The following PCDH15 variants were observed in gnomAD, a reference collection of about 807,000 sequenced individuals.
The protein encoded by PCDH15 is protocadherin-15.
PCDH15 carries 129 observed loss-of-function variants against 178.5 expected under a neutral mutation model. The ratio of observed to expected loss-of-function variants is 0.72; its 90% confidence interval spans 0.63 to 0.84. The LOEUF (loss-of-function observed/expected upper bound fraction) is 0.84, where lower values mean the gene tolerates loss of function less well. Ranked by LOEUF, PCDH15 falls within the 40% of genes least tolerant of loss-of-function variation. The probability of loss-of-function intolerance (pLI) is 0.00; values close to 1 mark genes in which losing one functional copy is unlikely to be tolerated. For missense variants in PCDH15, 2,230 were observed against 2,099.9 expected (o/e 1.06, Z -1.21); for synonymous variants, 800 against 732.0 (o/e 1.09, Z -1.50).
intron 2 of PCDH15, among the ~76,000 whole-genome samples, chr10:55,023,245 T>C (rs1281481924): frequency 1.3e-5 from 2 of 152,132 alleles, no homozygotes; most frequent in Non-Finnish European, 2.9e-5. Flanking sequence ...CCCGGTTTAT[T>C]GCTTACAGTG....
At chr10:55,280,692 C>T (rs1455284895) in intron 1 of PCDH15, among the ~76,000 whole-genome samples, 2 of 151,970 alleles carry the variant, frequency 1.3e-5, no homozygotes, top group African/African-American at 4.8e-5. Context: ...ACTGAATATA[C>T]TTTCTATGTA....
intron 8 of PCDH15, among the ~76,000 whole-genome samples, chr10:54,294,276 G>C (rs577753168): frequency 6.6e-6 from 1 of 150,806 alleles, no homozygotes; most frequent in Non-Finnish European, 1.5e-5. Flanking sequence ...AGAACACTTG[G>C]ACACATGGCA....
intron 26 of PCDH15, among the ~76,000 whole-genome samples, chr10:53,886,458 G>A (rs372944554): frequency 3.1e-4 from 47 of 151,952 alleles, no homozygotes; most frequent in Admixed American, 1.4e-3. Context: ...ACAGTCTTCC[G>A]ATTTAGCATA....
At chr10:54,065,819 T>G (rs1273280619) in intron 18 of PCDH15, among the ~76,000 whole-genome samples, 3 of 152,196 alleles carry the variant, frequency 2.0e-5, no homozygotes, top group Non-Finnish European at 2.9e-5. Context: ...CATCACAAGA[T>G]CTCTATAACA....
chr10:54,586,189 A>G (rs868764197), intron 2 of PCDH15, among the ~76,000 whole-genome samples: 5 of 152,122 alleles, frequency 3.3e-5, no homozygotes, highest in African/African-American at 1.2e-4. Flanking sequence ...AGTGGAGTAA[A>G]TTTTTAAATT....
chr10:54,072,678 G>C (rs988458069), intron 17 of PCDH15, among the ~76,000 whole-genome samples: 3 of 152,066 alleles, frequency 2.0e-5, no homozygotes, highest in African/African-American at 7.2e-5. Context: ...GAAACTAAGA[G>C]AAATTTGGGT....
At position 54,561,833 on chromosome 10, in the gene PCDH15, AATTATT is replaced by A. The variant is rs367556125; in HGVS notation, c.92-33962_92-33957del. ...TTACAAAATGAAAACTATCAATGGT[AATTATT>A]ATTATTATTATTATTTCTATTTTTA... On this transcript the variant is annotated intron_variant, in intron 2 of 37. Transcript: ENST00000644397. 1.6e-4 allele frequency among the ~76,000 whole-genome samples: 24 copies of A among 151,244 alleles called. 1 individual carries two copies. The highest frequency in any genetic ancestry group is 5.6e-4 in the African/African-American group (23 of 41,326).
At chr10:54,554,732 T>C (rs1320379735) in intron 2 of PCDH15, among the ~76,000 whole-genome samples, 1 of 152,188 alleles carries the variant, frequency 6.6e-6, no homozygotes, top group East Asian at 1.9e-4. Flanking sequence ...CTCATCATTT[T>C]TGCAAAGAGC....
chr10:54,782,614 T>C (rs1877424), intron 1 of PCDH15, among the ~76,000 whole-genome samples: 1 of 152,060 alleles, frequency 6.6e-6, no homozygotes, highest in Non-Finnish European at 1.5e-5. Context: ...CTAATATCTT[T>C]GGTGCTGAGA....
At chr10:55,573,806 C>T (rs1446589773) in intron 2 of PCDH15, among the ~76,000 whole-genome samples, 2 of 151,844 alleles carry the variant, frequency 1.3e-5, no homozygotes, top group Admixed American at 6.6e-5. Flanking sequence ...CTGTGTAAAA[C>T]AATGTATGGT....
intron 1 of PCDH15, among the ~76,000 whole-genome samples, chr10:54,674,994 C>G (rs566120527): frequency 6.6e-6 from 1 of 152,062 alleles, no homozygotes; most frequent in Non-Finnish European, 1.5e-5. Context: ...ACTTTAGTCT[C>G]TTCCTACAAA....
chr10:53,950,789 G>T (rs2086959664), intron 23 of PCDH15, among the ~76,000 whole-genome samples: 3 of 152,120 alleles, frequency 2.0e-5, no homozygotes, highest in Admixed American at 2.0e-4. Context: ...TGCTATTTCT[G>T]TAGGGTTTAA....
intron 19 of PCDH15, 102 bp downstream of exon 19, chr10:54,022,790 A>T: frequency 8.8e-7 from 1 of 1,139,768 alleles, no homozygotes; most frequent in Non-Finnish European, 1.3e-6. Context: ...ATTAAAATCC[A>T]ACTTGGTATG....
intron 6 of PCDH15, among the ~76,000 whole-genome samples, chr10:54,341,715 C>T (rs1197869575): frequency 6.6e-6 from 1 of 152,180 alleles, no homozygotes; most frequent in Non-Finnish European, 1.5e-5. Flanking sequence ...TTTGTGAATG[C>T]TTTCAACCAA....
At chr10:54,004,289 C>A (rs2135057319) in intron 20 of PCDH15, among the ~76,000 whole-genome samples, 1 of 151,602 alleles carries the variant, frequency 6.6e-6, no homozygotes, top group Non-Finnish European at 1.5e-5. Context: ...TTAGCAAGAA[C>A]AATCAGAAAA....
chr10:53,922,467 C>T (rs1811170049), intron 25 of PCDH15, among the ~76,000 whole-genome samples: 2 of 152,086 alleles, frequency 1.3e-5, no homozygotes, highest in South Asian at 4.2e-4. Context: ...TTGTAAAGAT[C>T]AGAACTGGGT....
chr10:54,759,004 T>C (rs531295758), intron 1 of PCDH15, among the ~76,000 whole-genome samples: 2 of 152,288 alleles, frequency 1.3e-5, no homozygotes, highest in African/African-American at 4.8e-5. Context: ...CTCTATGGCA[T>C]GTGACCTTGG....
At chr10:54,050,832 G>T (rs1261295761) in intron 18 of PCDH15, among the ~76,000 whole-genome samples, 2 of 152,082 alleles carry the variant, frequency 1.3e-5, no homozygotes, top group African/African-American at 2.4e-5. Context: ...ATCTCATCTT[G>T]ATTGTAGTTC....
At chr10:54,784,855 T>A in intron 1 of PCDH15, among the ~76,000 whole-genome samples, 1 of 152,092 alleles carries the variant, frequency 6.6e-6, no homozygotes, top group East Asian at 1.9e-4. Flanking sequence ...AATCTGAAGA[T>A]GAATCTATGT....
Sources: allele counts gnomAD v4.1 joint callset (sites outside exome capture counted in the v4.1 genomes callset), GRCh38; gene constraint gnomAD v4.1.1; transcripts MANE v1.5; gene names NCBI Gene and HGNC (gene_info 2026-07-23, HGNC 2026-07-21).